The following NAV2 variants were observed in gnomAD, a reference collection of about 807,000 sequenced individuals.
NAV2 encodes the protein helicase, APC down-regulated 1.
Under a neutral mutation model 223.2 loss-of-function variants are expected in NAV2, and 54 were observed. The ratio of observed to expected loss-of-function variants is 0.24; its 90% CI spans 0.19 to 0.30. The LOEUF (loss-of-function observed/expected upper bound fraction) is 0.30. NAV2 is among the 10% of genes least tolerant of loss of function. The pLI is 1.00. For synonymous variants in NAV2, 1,279 were observed against 1,239.3 expected, an observed-to-expected ratio of 1.03 and a Z score of -0.67; for missense variants, 2,806 against 3,147.5, an observed-to-expected ratio of 0.89 and a Z score of 2.60.
Position 19,880,030 on chromosome 11 carries a change from C to T in NAV2, c.673C>T (p.Pro225Ser). The change falls in exon 5 of 38, where the codon CCT becomes TCT. Residue 225 changes from proline (P) to serine (S), a missense_variant. By Grantham distance (74) the Pro-to-Ser change is moderately conservative. This residue lies in a region of NAV2 where 1,167 missense variants were observed against 1,180.5 expected (regional missense o/e 0.99). Transcript: ENST00000349880. Reference sequence around the variant, plus strand: ...CCCCTCCCAGTGCCAGGCTGGCACCCCTCAGCAGCAGGTGCCAGTCACTCC... The same window carrying T: ...CCCCTCCCAGTGCCAGGCTGGCACCTCTCAGCAGCAGGTGCCAGTCACTCC... The part of the protein sequence containing the change: ...GAPSQCQAGT[P>S]QQQVPVTPQA... The T allele has an allele frequency of 4.3e-6, 7 of 1,613,776 alleles. No homozygotes were observed. The highest frequency in any genetic ancestry group is 5.9e-6 in the Non-Finnish European group (7 of 1,179,840).
chr11:19,599,623 G>A (rs1187055270), intron 1 of NAV2, among the ~76,000 whole-genome samples: 1 of 152,182 alleles, frequency 6.6e-6, no homozygotes, highest in East Asian at 1.9e-4. Flanking sequence ...TTTAGACAAG[G>A]GGAGCTTATT....
intron 1 of NAV2, among the ~76,000 whole-genome samples, chr11:19,480,382 G>C (rs2042242123): frequency 6.6e-6 from 1 of 152,158 alleles, no homozygotes; most frequent in African/African-American, 2.4e-5. Context: ...CATGTAGCTT[G>C]TGTGGCTGAC....
intron 1 of NAV2, among the ~76,000 whole-genome samples, chr11:19,460,737 T>C (rs912382632): frequency 3.3e-5 from 5 of 151,978 alleles, no homozygotes; most frequent in African/African-American, 1.2e-4. Context: ...TGTATACATA[T>C]GTAACAAACC....
chr11:20,092,055 G>A, intron 27 of NAV2, 151 bp from the exon 28 acceptor site: 1 of 694,752 alleles, frequency 1.4e-6, no homozygotes, highest in Non-Finnish European at 2.5e-6. Flanking sequence ...CGCAGGGTTA[G>A]CAAACACTGC....
intron 1 of NAV2, chr11:19,506,873 G>T (rs2043138418): frequency 6.6e-6 from 1 of 152,158 alleles, no homozygotes; most frequent in Admixed American, 6.5e-5. Flanking sequence ...GGAGCCCCTT[G>T]TTCAAAAATC....
chr11:19,385,211 G>A (rs1031697464), intron 1 of NAV2, among the ~76,000 whole-genome samples: 2 of 152,220 alleles, frequency 1.3e-5, no homozygotes, highest in African/African-American at 4.8e-5. Context: ...GAGCAAATGG[G>A]ATCTCAGTTC....
Position 19,817,540 on chromosome 11 carries a change from G to A in NAV2, c.268-14944G>A, listed in dbSNP as rs190564029. 4.6e-3 allele frequency among the ~76,000 whole-genome samples: 698 copies of A among 152,232 alleles called. 6 individuals carry two copies. Among genetic ancestry groups the A allele is most frequent in the African/African-American group, 0.016 (656 of 41,538 alleles). ...GACGCCTCAGTGGGTGATGAGGTCC[G>A]AGTTGGGGGAGGGAGGGCCTGGGCA... On this transcript the variant is annotated intron_variant, in intron 1 of 37. Transcript: ENST00000349880.
At chr11:19,655,642 C>T (rs2048100372) in intron 1 of NAV2, among the ~76,000 whole-genome samples, 2 of 148,860 alleles carry the variant, frequency 1.3e-5, no homozygotes, top group African/African-American at 5.0e-5. Context: ...ATTGCAAGGA[C>T]AGAAAACCAA....
chr11:19,835,592 G>A (rs1375405920), intron 2 of NAV2, among the ~76,000 whole-genome samples: 1 of 152,042 alleles, frequency 6.6e-6, no homozygotes, highest in African/African-American at 2.4e-5. Context: ...TGAACACTTT[G>A]CTTTTCAAGT....
chr11:19,694,462 A>G (rs1215763689), intron 1 of NAV2, among the ~76,000 whole-genome samples: 1 of 152,152 alleles, frequency 6.6e-6, no homozygotes, highest in Non-Finnish European at 1.5e-5. Flanking sequence ...CTGAACAGGG[A>G]CCTATGGTAC....
At chr11:20,102,008 A>G (rs554677585) in intron 32 of NAV2, among the ~76,000 whole-genome samples, 7 of 152,228 alleles carry the variant, frequency 4.6e-5, no homozygotes, top group African/African-American at 7.2e-5. Flanking sequence ...TTGATGACCT[A>G]TTTCACTAGG....
At chr11:19,544,963 C>G (rs778209880) in intron 1 of NAV2, among the ~76,000 whole-genome samples, 28 of 152,236 alleles carry the variant, frequency 1.8e-4, no homozygotes, top group Non-Finnish European at 3.5e-4. Flanking sequence ...GAACACCTAG[C>G]AGATGGTTGG....
intron 1 of NAV2, among the ~76,000 whole-genome samples, chr11:19,418,769 C>CT (rs1769972412): frequency 6.6e-6 from 1 of 152,068 alleles, no homozygotes; most frequent in Non-Finnish European, 1.5e-5. Flanking sequence ...CATTGAAGGG[C>CT]TTGTGGTGGT....
At chr11:19,977,521 T>C (rs2049869047) in intron 10 of NAV2, among the ~76,000 whole-genome samples, 1 of 152,242 alleles carries the variant, frequency 6.6e-6, no homozygotes, top group East Asian at 1.9e-4. Context: ...CACTGCAACA[T>C]GTCTCTGAAC....
intron 1 of NAV2, among the ~76,000 whole-genome samples, chr11:19,542,376 T>A (rs994903672): frequency 1.3e-5 from 2 of 152,300 alleles, no homozygotes; most frequent in African/African-American, 4.8e-5. Context: ...GTGAAACAAG[T>A]CATAGAGGGT....
chr11:19,630,922 CAAA>C (rs10642100), intron 1 of NAV2, among the ~76,000 whole-genome samples: 2 of 100,158 alleles, frequency 2.0e-5, no homozygotes, highest in Non-Finnish European at 3.7e-5. Flanking sequence ...GGTCCTGTTG[CAAA>C]AAAAAAAAAA....
At chr11:19,675,422 G>A (rs1413626160) in intron 1 of NAV2, among the ~76,000 whole-genome samples, 1 of 152,102 alleles carries the variant, frequency 6.6e-6, no homozygotes, top group Non-Finnish European at 1.5e-5. Context: ...ACACACGCAT[G>A]CATACACTCC....
intron 1 of NAV2, among the ~76,000 whole-genome samples, chr11:19,566,547 C>A (rs2134839992): frequency 6.6e-6 from 1 of 152,310 alleles, no homozygotes; most frequent in South Asian, 2.1e-4. Flanking sequence ...TACTGAGATT[C>A]TTTGTGTCAT....
At position 19,948,904 on chromosome 11, in the gene NAV2, C is replaced by T. The variant is rs1382782086; in HGVS notation, c.2469C>T (p.Tyr823=). The change falls in exon 10 of 38, where the codon TAC becomes TAT. Residue 823 remains tyrosine (Y), a synonymous_variant. Transcript: ENST00000349880. ...FINTESGRYV[Y]SAPLRRQLAS... is the part of the protein sequence containing the mutation. The stretch of plus-strand genomic sequence containing the variant: ...ACACTGAGTCAGGTCGCTATGTGTA[C>T]TCCGCCCCTCTGAGAAGGCAGCTGG... 6.2e-7 allele frequency: 1 copy of T among 1,614,140 alleles called. No homozygotes were observed. Among genetic ancestry groups the T allele is most frequent in the Admixed American group, 1.7e-5 (1 of 60,018 alleles).
Sources: gnomAD v4.1 joint callset for allele counts (sites outside exome capture counted in the v4.1 genomes callset) on GRCh38, gnomAD v4.1.1 for gene constraint, gnomAD v4.1.1 regional missense constraint, MANE v1.5 for transcripts, NCBI Gene and HGNC (gene_info 2026-07-23, HGNC 2026-07-21) for gene names.